FOXP2: variants seen among roughly 807,000 people sequenced by gnomAD.
FOXP2 encodes the protein forkhead box P2.
FOXP2 carries 12 observed loss-of-function variants against 115.8 expected under a neutral mutation model. That is an observed-to-expected ratio of 0.10 (90% confidence interval 0.07 to 0.17). FOXP2 has a LOEUF of 0.17. Ranked by LOEUF, FOXP2 falls within the 10% of genes least tolerant of loss-of-function variation. FOXP2 has a pLI of 1.00. For synonymous variants in FOXP2, 328 were observed against 297.7 expected (o/e 1.10, Z -1.05); for missense variants, 629 against 843.5 (o/e 0.75, Z 3.15).
At position 114,499,278 on chromosome 7, in the gene FOXP2, T is replaced by C. The variant is rs1003245366; in HGVS notation, c.169-35339T>C. On this transcript the variant is annotated intron_variant, in intron 2 of 16. Transcript: ENST00000350908. ...CATTAAATCCTCTAAAATCTAACTT[T>C]GATTAATTAAGTACAGGGTTATTGC... 4 of 197,664 alleles carry C rather than the reference T, an allele frequency of 2.0e-5. No homozygotes were observed. In the East Asian group the frequency reaches 4.9e-4, roughly 24 times the overall value. The allele number at this position is 197,664 out of a possible 1,614,324, so 12.2% of individuals were successfully genotyped here.
intron 3 of FOXP2, among the ~76,000 whole-genome samples, chr7:114,620,501 A>G (rs1343013650): frequency 2.0e-5 from 3 of 152,076 alleles, no homozygotes; most frequent in Non-Finnish European, 4.4e-5. Context: ...TGGACTTTAC[A>G]TTACCTATAA....
At chr7:114,516,306 G>A (rs1341874716) in intron 2 of FOXP2, among the ~76,000 whole-genome samples, 1 of 152,062 alleles carries the variant, frequency 6.6e-6, no homozygotes, top group African/African-American at 2.4e-5. Flanking sequence ...ACAAGCAATG[G>A]GGAAAGGATT....
chr7:114,196,166 C>G (rs1793899977), intron 1 of FOXP2, among the ~76,000 whole-genome samples: 1 of 152,148 alleles, frequency 6.6e-6, no homozygotes, highest in South Asian at 2.1e-4. Flanking sequence ...CGCGCGTCAC[C>G]ACGCCCAGCT....
At chr7:114,571,834 G>T (rs1241217163) in intron 3 of FOXP2, among the ~76,000 whole-genome samples, 2 of 151,672 alleles carry the variant, frequency 1.3e-5, no homozygotes, top group African/African-American at 2.4e-5. Context: ...GTATCTATGT[G>T]TGTCCAATCC....
At chr7:114,290,818 T>G (rs920866902) in intron 2 of FOXP2, among the ~76,000 whole-genome samples, 2 of 152,150 alleles carry the variant, frequency 1.3e-5, no homozygotes, top group African/African-American at 2.4e-5. Flanking sequence ...CTTTTACGCT[T>G]AATTTGTCAA....
chr7:114,642,808 A>ATTTTTTT (rs1470050405), intron 7 of FOXP2, among the ~76,000 whole-genome samples, 185 bp downstream of exon 7: 14 of 58,462 alleles, frequency 2.4e-4, no homozygotes, highest in African/African-American at 8.6e-4. Flanking sequence ...ATATATATAT[A>ATTTTTTT]TATATTTTTT....
chr7:114,654,223 T>C, intron 10 of FOXP2: 2 of 1,164,020 alleles, frequency 1.7e-6, no homozygotes, highest in Admixed American at 2.6e-5. Context: ...TGGGTGACAC[T>C]AAACAAAGTA....
intron 2 of FOXP2, among the ~76,000 whole-genome samples, chr7:114,300,297 T>C (rs1796848886): frequency 6.6e-6 from 1 of 152,066 alleles, no homozygotes; most frequent in Admixed American, 6.6e-5. Context: ...GAATAACAAA[T>C]AATATTTAGA....
chr7:114,165,985 A>T (rs1422309584), intron 1 of FOXP2, among the ~76,000 whole-genome samples: 1 of 152,222 alleles, frequency 6.6e-6, no homozygotes, highest in Non-Finnish European at 1.5e-5. Flanking sequence ...TCTTTAACAA[A>T]GGAGCAAAGA....
intron 2 of FOXP2, among the ~76,000 whole-genome samples, chr7:114,491,716 T>C (rs1797064432): frequency 6.6e-6 from 1 of 152,218 alleles, no homozygotes; most frequent in African/African-American, 2.4e-5. Context: ...ATTACGTTTA[T>C]TGATTTGCGT....
rs184701843 is a variant in FOXP2, at chr7:114,459,186, C to A, written c.168+32507C>A. ...GCCCAGAACTGGCAAAGCAGCACTT[C>A]TGCGACTTTCTATTGTTCCTGGCAA... On this transcript the variant is annotated intron_variant, in intron 2 of 16. Transcript: ENST00000350908. Among the ~76,000 whole-genome samples, 191 of 152,268 alleles carry A rather than the reference C, an allele frequency of 1.3e-3. 3 individuals carry two copies. Among genetic ancestry groups the A allele is most frequent in the Non-Finnish European group, 2.8e-4 (19 of 68,016 alleles).
intron 2 of FOXP2, among the ~76,000 whole-genome samples, chr7:114,302,017 A>G (rs1796889915): frequency 6.6e-6 from 1 of 152,190 alleles, no homozygotes; most frequent in African/African-American, 2.4e-5. Flanking sequence ...GATTAAAGAT[A>G]AAAAGTGGAA....
chr7:114,592,045 T>A (rs1029278594), intron 3 of FOXP2, among the ~76,000 whole-genome samples: 1 of 152,114 alleles, frequency 6.6e-6, no homozygotes, highest in Non-Finnish European at 1.5e-5. Flanking sequence ...TAGAAATACC[T>A]GACGCACTAT....
intron 2 of FOXP2, among the ~76,000 whole-genome samples, chr7:114,298,560 T>A (rs1796799754): frequency 1.3e-5 from 2 of 152,212 alleles, no homozygotes; most frequent in South Asian, 4.1e-4. Flanking sequence ...ACTTGTGAGG[T>A]AGAAGGCAAT....
intron 6 of FOXP2, among the ~76,000 whole-genome samples, chr7:114,636,929 T>C (rs936715679): frequency 2.6e-5 from 4 of 152,086 alleles, no homozygotes; most frequent in Non-Finnish European, 4.4e-5. Context: ...ATCCCAGCAA[T>C]TTGGGAGGCT....
chr7:114,598,515 AT>A lies in FOXP2; in HGVS notation c.259-30016del, dbSNP rs199742289. On this transcript the variant is annotated intron_variant, in intron 3 of 16. Coordinates refer to ENST00000350908, the MANE Select transcript of FOXP2 (RefSeq NM_014491.4). The stretch of plus-strand genomic sequence containing the variant: ...GGTGGGCTGCAGGTTTCTCACTTTG[AT>A]TTTTTTTTCTATGTTATTTAGATTC... Among the ~76,000 whole-genome samples the A allele has an allele frequency of 8.8e-3, 1,331 of 150,958 alleles. 8 individuals are homozygous for A. Among genetic ancestry groups the A allele is most frequent in the African/African-American group, 0.014 (585 of 41,158 alleles).
chr7:114,368,352 C>T (rs769815927), intron 2 of FOXP2, among the ~76,000 whole-genome samples: 5 of 152,034 alleles, frequency 3.3e-5, no homozygotes, highest in Non-Finnish European at 7.4e-5. Context: ...CCAAACAGAA[C>T]AAATGTCACC....
chr7:114,474,822 C>A (rs1796188790), intron 2 of FOXP2, among the ~76,000 whole-genome samples: 1 of 152,086 alleles, frequency 6.6e-6, no homozygotes, highest in African/African-American at 2.4e-5. Context: ...GTCTGTCAAT[C>A]TCACATATTC....
intron 1 of FOXP2, among the ~76,000 whole-genome samples, chr7:114,251,099 T>A (rs1376507966): frequency 2.0e-5 from 3 of 152,138 alleles, no homozygotes; most frequent in South Asian, 2.1e-4. Context: ...CAAAGATCAG[T>A]TGGTTGTAGA....
Sources: gnomAD v4.1 joint callset for allele counts (sites outside exome capture counted in the v4.1 genomes callset) on GRCh38, gnomAD v4.1.1 for gene constraint, MANE v1.5 for transcripts, NCBI Gene and HGNC (gene_info 2026-07-23, HGNC 2026-07-21) for gene names.